The following SIK2 variants were observed in gnomAD, a reference collection of about 807,000 sequenced individuals.
SIK2 encodes the protein salt inducible kinase 2, also known as serine/threonine-protein kinase SIK2.
Under a neutral mutation model 103.2 loss-of-function variants are expected in SIK2, and 29 were observed. The ratio of observed to expected loss-of-function variants is 0.28; its 90% CI spans 0.21 to 0.38. The LOEUF (loss-of-function observed/expected upper bound fraction) is 0.38, where lower values mean the gene tolerates loss of function less well. Among genes scored for constraint, SIK2 ranks in the 10% least tolerant of loss-of-function variants. SIK2 has a pLI of 1.00. For missense variants in SIK2, 879 were observed against 1,171.0 expected, an observed-to-expected ratio of 0.75 and a Z score of 3.64; for synonymous variants, 412 against 446.1, an observed-to-expected ratio of 0.92 and a Z score of 0.96.
At chr11:111,658,025 T>A (rs1213773047) in intron 3 of SIK2, among the ~76,000 whole-genome samples, 3 of 152,110 alleles carry the variant, frequency 2.0e-5, no homozygotes, top group Non-Finnish European at 4.4e-5. Flanking sequence ...AAATAAAAAA[T>A]GACCTTCTTG....
chr11:111,605,332 TTATC>T (rs1367961937), intron 1 of SIK2, among the ~76,000 whole-genome samples: 2 of 152,236 alleles, frequency 1.3e-5, no homozygotes, highest in Non-Finnish European at 2.9e-5. Context: ...CAGCAGTTAT[TTATC>T]CTTATTCGTT....
At chr11:111,637,837 C>G (rs1038431186) in intron 3 of SIK2, among the ~76,000 whole-genome samples, 1 of 152,060 alleles carries the variant, frequency 6.6e-6, no homozygotes, top group Non-Finnish European at 1.5e-5. Flanking sequence ...TACTCTTTAT[C>G]TTTCATTTGT....
intron 3 of SIK2, chr11:111,672,297 CA>C: frequency 2.4e-6 from 1 of 419,102 alleles, no homozygotes; most frequent in Non-Finnish European, 4.3e-6. Flanking sequence ...AGGAGAAGCT[CA>C]AGGAGCTGAT....
At chr11:111,629,945 G>T (rs900875123) in intron 3 of SIK2, among the ~76,000 whole-genome samples, 1 of 152,046 alleles carries the variant, frequency 6.6e-6, no homozygotes, top group Non-Finnish European at 1.5e-5. Flanking sequence ...ACCCCATCAC[G>T]CAACAATTCA....
rs1944142570 is a variant in SIK2, at chr11:111,730,234, T to G, written c.*6105T>G. ...CATCCTGGAAACATATGACCCCAGA[T>G]GGAATAATGTCACATTCCCCAGTGC... On this transcript the variant is annotated 3_prime_UTR_variant, in exon 15 of 15. Transcript: ENST00000304987. The G allele has an allele frequency of 6.6e-6, 1 of 152,180 alleles. No homozygotes were observed. Among genetic ancestry groups the G allele is most frequent in the Admixed American group, 6.5e-5 (1 of 15,274 alleles). The allele number at this position is 152,180 out of a possible 1,614,324, so 9.4% of individuals were successfully genotyped here.
intron 3 of SIK2, among the ~76,000 whole-genome samples, chr11:111,650,334 A>G (rs1310759944): frequency 6.6e-6 from 1 of 152,096 alleles, no homozygotes; most frequent in Non-Finnish European, 1.5e-5. Flanking sequence ...ACTGGTAGGT[A>G]TATATTCTAC....
At chr11:111,604,586 G>A (rs1177122277) in intron 1 of SIK2, among the ~76,000 whole-genome samples, 1 of 152,128 alleles carries the variant, frequency 6.6e-6, no homozygotes, top group Admixed American at 6.5e-5. Flanking sequence ...AGAGCTAGGG[G>A]GCACTATGGA....
At chr11:111,670,772 T>A (rs1341874155) in intron 3 of SIK2, among the ~76,000 whole-genome samples, 1 of 152,168 alleles carries the variant, frequency 6.6e-6, no homozygotes, top group Non-Finnish European at 1.5e-5. Flanking sequence ...GAACTGGTTT[T>A]TAGTTGGGGG....
chr11:111,719,569 T>C (rs1041802753), intron 9 of SIK2, among the ~76,000 whole-genome samples: 3 of 152,202 alleles, frequency 2.0e-5, no homozygotes, highest in Non-Finnish European at 4.4e-5. Flanking sequence ...GTTTGGGTCA[T>C]CATGGGCTTC....
At position 111,722,828 on chromosome 11, in the gene SIK2, CT is replaced by C; in HGVS notation, c.2147+76del. ...CCTTGAGAACACTGAATGTGTTGTC[CT>C]TTTCCTCTCACATTCGCCACTACTA... On this transcript the variant is annotated intron_variant, in intron 14 of 14. Transcript: ENST00000304987. The surrounding 1 kb of genome is among the most constrained non-coding windows in gnomAD (Gnocchi z 4.4). 7.2e-7 allele frequency: 1 copy of C among 1,389,470 alleles called. No individual in the cohort carries two copies. The highest frequency in any genetic ancestry group is 1.0e-6 in the Non-Finnish European group (1 of 990,356). 86.1% of individuals were successfully genotyped at this position (1,389,470 alleles called of 1,614,324 possible).
intron 3 of SIK2, among the ~76,000 whole-genome samples, chr11:111,643,778 A>G (rs903001285): frequency 1.3e-5 from 2 of 150,950 alleles, no homozygotes; most frequent in Non-Finnish European, 3.0e-5. Flanking sequence ...ACACCATTGC[A>G]CTCAAGCCTG....
chr11:111,703,085 T>C (rs1943255130), intron 6 of SIK2, 118 bp from the exon 7 acceptor site: 1 of 812,738 alleles, frequency 1.2e-6, no homozygotes. Flanking sequence ...TTTGACCTTC[T>C]GCTTTCCAGT....
intron 3 of SIK2, among the ~76,000 whole-genome samples, chr11:111,687,795 C>A (rs1259839792): frequency 6.6e-6 from 1 of 151,570 alleles, no homozygotes; most frequent in Non-Finnish European, 1.5e-5. Context: ...TTAGTAGAGA[C>A]GGGGTTTCAC....
intron 3 of SIK2, among the ~76,000 whole-genome samples, chr11:111,631,238 G>T (rs948936786): frequency 6.6e-6 from 1 of 152,208 alleles, no homozygotes; most frequent in African/African-American, 2.4e-5. Context: ...TCATTCTGTA[G>T]TGTAGCTGAT....
chr11:111,614,497 TATAATA>T (rs1941776508), intron 1 of SIK2, among the ~76,000 whole-genome samples: 1 of 152,196 alleles, frequency 6.6e-6, no homozygotes, highest in Non-Finnish European at 1.5e-5. Context: ...ACTTTATTCT[TATAATA>T]AAGTAAACTA....
At chr11:111,644,958 A>C (rs1190886297) in intron 3 of SIK2, among the ~76,000 whole-genome samples, 2 of 152,152 alleles carry the variant, frequency 1.3e-5, no homozygotes, top group Non-Finnish European at 2.9e-5. Context: ...GAGCCTGTCG[A>C]GTGTCAAGCA....
At position 111,729,055 on chromosome 11, in the gene SIK2, AGAGCCCT is replaced by A. The variant is rs1944090611; in HGVS notation, c.*4927_*4933del. On this transcript the variant is annotated 3_prime_UTR_variant, in exon 15 of 15. Transcript: ENST00000304987. ...TGTGGTCTGAAGCACCTGTAATGTC[AGAGCCCT>A]TGTCTGGCCCTTGGTGGCAGGTGAA... 6.6e-6 allele frequency: 1 copy of A among 152,264 alleles called. No individual in the cohort carries two copies. The highest frequency in any genetic ancestry group is 1.5e-5 in the Non-Finnish European group (1 of 68,046). The allele number at this position is 152,264 out of a possible 1,614,324, so 9.4% of individuals were successfully genotyped here.
chr11:111,629,112 G>A (rs1445696360), intron 3 of SIK2, among the ~76,000 whole-genome samples: 1 of 152,174 alleles, frequency 6.6e-6, no homozygotes, highest in African/African-American at 2.4e-5. Flanking sequence ...GAATGTTTGG[G>A]TTAAGATGTT....
chr11:111,611,564 A>G (rs1941726725), intron 1 of SIK2, among the ~76,000 whole-genome samples: 4 of 152,162 alleles, frequency 2.6e-5, no homozygotes, highest in African/African-American at 9.6e-5. Context: ...CAATGTTGCT[A>G]CTTTATGTGG....
Sources: gnomAD v4.1 joint callset for allele counts (sites outside exome capture counted in the v4.1 genomes callset) on GRCh38, gnomAD v4.1.1 for gene constraint, Gnocchi (gnomAD v3.1) non-coding constraint, MANE v1.5 for transcripts, NCBI Gene and HGNC (gene_info 2026-07-23, HGNC 2026-07-21) for gene names.